Variants in OLFM3 observed in about 807,000 individuals in gnomAD.
OLFM3 encodes olfactomedin 3, also known as noelin-3.
A neutral mutation model predicts 48.6 loss-of-function variants in OLFM3; 20 were observed. The observed-to-expected ratio is 0.41, with a 90% CI of 0.29 to 0.60. OLFM3 has a LOEUF of 0.60. OLFM3 is among the 20% of genes least tolerant of loss of function. OLFM3 has a pLI of 0.28. For synonymous variants in OLFM3, 222 were observed against 198.1 expected, an observed-to-expected ratio of 1.12 and a Z score of -1.01; for missense variants, 437 against 544.3, an observed-to-expected ratio of 0.80 and a Z score of 1.96.
At chr1:101,873,056 T>TA (rs1278059662) in intron 1 of OLFM3, among the ~76,000 whole-genome samples, 4 of 151,978 alleles carry the variant, frequency 2.6e-5, no homozygotes, top group Non-Finnish European at 5.9e-5. Flanking sequence ...TTTCACAAAC[T>TA]AAGTGAATTG....
intron 4 of OLFM3, among the ~76,000 whole-genome samples, chr1:101,817,897 T>G (rs1654412736): frequency 6.6e-6 from 1 of 152,088 alleles, no homozygotes; most frequent in South Asian, 2.1e-4. Context: ...AAACTTTTAT[T>G]TGCATGTCTA....
intron 1 of OLFM3, among the ~76,000 whole-genome samples, chr1:101,972,850 G>A (rs1049135704): frequency 5.3e-5 from 8 of 152,168 alleles, no homozygotes; most frequent in African/African-American, 1.9e-4. Context: ...TAGACTGCAT[G>A]TACCACAGAA....
At chr1:101,975,796 T>C (rs1336768541) in intron 1 of OLFM3, among the ~76,000 whole-genome samples, 1 of 152,032 alleles carries the variant, frequency 6.6e-6, no homozygotes, top group African/African-American at 2.4e-5. Context: ...GGCTACTATC[T>C]TGAGGAAAGA....
At chr1:101,994,932 C>T (rs1010406932) in intron 1 of OLFM3, among the ~76,000 whole-genome samples, 1 of 151,956 alleles carries the variant, frequency 6.6e-6, no homozygotes, top group African/African-American at 2.4e-5. Flanking sequence ...ATTGAATACA[C>T]ACAAATAAAC....
intron 1 of OLFM3, among the ~76,000 whole-genome samples, 198 bp downstream of exon 1, chr1:101,996,550 A>G (rs77047089): frequency 0.013 from 1,934 of 152,192 alleles, 24 homozygotes; most frequent in Non-Finnish European, 0.019. Flanking sequence ...CCCCCCGCGC[A>G]GTAGGACTCT....
intron 1 of OLFM3, among the ~76,000 whole-genome samples, chr1:101,870,357 A>G (rs1436966165): frequency 6.6e-6 from 1 of 152,188 alleles, no homozygotes; most frequent in Non-Finnish European, 1.5e-5. Flanking sequence ...TTTTAGCTAC[A>G]GTGCATGGCA....
rs570586648 is a variant in OLFM3 at position 101,802,600 on chromosome 1, C to T, written c.*1638G>A. 1 of 151,688 alleles carries T rather than the reference C, an allele frequency of 6.6e-6. No individual in the cohort carries two copies. Among genetic ancestry groups the T allele is most frequent in the East Asian group, 1.9e-4 (1 of 5,138 alleles). 9.4% of individuals were successfully genotyped at this position (151,688 alleles called of 1,614,324 possible). ...TTCAAGATTGGGTTATTTAATTCTA[C>T]AATTTTGACAGTGAGATATTTGAGG... On this transcript the variant is annotated 3_prime_UTR_variant, in exon 6 of 6. Coordinates refer to ENST00000370103, the MANE Select transcript of OLFM3 (RefSeq NM_058170.4).
chr1:101,857,487 T>G (rs2100957389), intron 1 of OLFM3, among the ~76,000 whole-genome samples: 1 of 152,106 alleles, frequency 6.6e-6, no homozygotes, highest in Middle Eastern at 3.4e-3. Context: ...CAAAGAGACA[T>G]ATATACATTA....
intron 1 of OLFM3, among the ~76,000 whole-genome samples, chr1:101,857,276 A>G (rs1173073497): frequency 5.3e-5 from 8 of 152,022 alleles, no homozygotes; most frequent in Non-Finnish European, 1.0e-4. Flanking sequence ...TCAGGAAAAC[A>G]GTATTTTCCT....
At chr1:101,867,874 G>T (rs1326349462) in intron 1 of OLFM3, among the ~76,000 whole-genome samples, 2 of 152,082 alleles carry the variant, frequency 1.3e-5, no homozygotes, top group Non-Finnish European at 2.9e-5. Flanking sequence ...CTGGTGTGAG[G>T]AAATTGAATC....
At chr1:101,889,731 T>C (rs560468152) in intron 1 of OLFM3, among the ~76,000 whole-genome samples, 13 of 152,152 alleles carry the variant, frequency 8.5e-5, no homozygotes, top group African/African-American at 1.9e-4. Context: ...ATAACATATA[T>C]AAAAATGTAC....
intron 5 of OLFM3, among the ~76,000 whole-genome samples, chr1:101,805,735 G>C (rs1336146742): frequency 6.6e-6 from 1 of 151,604 alleles, no homozygotes; most frequent in African/African-American, 2.4e-5. Context: ...AGGCAGGGAA[G>C]TTTGCCCTTG....
intron 1 of OLFM3, among the ~76,000 whole-genome samples, chr1:101,886,199 C>T (rs1431466377): frequency 1.3e-5 from 2 of 151,738 alleles, no homozygotes; most frequent in Non-Finnish European, 2.9e-5. Context: ...ACCCTCTCCC[C>T]ACAACCACCC....
chr1:101,831,698 G>A (rs1425180851), intron 2 of OLFM3, among the ~76,000 whole-genome samples: 2 of 152,118 alleles, frequency 1.3e-5, no homozygotes, highest in African/African-American at 2.4e-5. Context: ...AACAATTTTG[G>A]TATCACCTAG....
intron 4 of OLFM3, among the ~76,000 whole-genome samples, chr1:101,820,534 C>G (rs1176611037): frequency 6.6e-6 from 1 of 152,046 alleles, no homozygotes; most frequent in Admixed American, 6.6e-5. Context: ...ACATTAAGAA[C>G]TTAGAAAAGG....
At chr1:101,973,384 T>G (rs66884528) in intron 1 of OLFM3, among the ~76,000 whole-genome samples, 37,721 of 152,160 alleles carry the variant, frequency 0.25, 5,242 homozygotes, top group Middle Eastern at 0.36. Context: ...TCTTTTTTTA[T>G]TCTTCTGGGG....
At chr1:101,852,979 G>A (rs182469460) in intron 1 of OLFM3, among the ~76,000 whole-genome samples, 1 of 152,024 alleles carries the variant, frequency 6.6e-6, no homozygotes, top group Admixed American at 6.6e-5. Flanking sequence ...CAAAAGTCAC[G>A]AGTTATTGAC....
intron 1 of OLFM3, among the ~76,000 whole-genome samples, chr1:101,916,037 C>T (rs527318943): frequency 4.6e-5 from 7 of 152,212 alleles, no homozygotes; most frequent in East Asian, 1.9e-4. Context: ...ACCGAATTGA[C>T]GCTACAAGTT....
At chr1:101,852,248 C>T (rs1656250723) in intron 1 of OLFM3, among the ~76,000 whole-genome samples, 1 of 152,032 alleles carries the variant, frequency 6.6e-6, no homozygotes, top group African/African-American at 2.4e-5. Context: ...TACTTACCAT[C>T]TTCAATTTCT....
Sources: allele counts gnomAD v4.1 joint callset (sites outside exome capture counted in the v4.1 genomes callset), GRCh38; gene constraint gnomAD v4.1.1; transcripts MANE v1.5; gene names NCBI Gene and HGNC (gene_info 2026-07-23, HGNC 2026-07-21).